NDUFAF2: variants seen among roughly 807,000 people sequenced by gnomAD.
The protein encoded by NDUFAF2 is NADH:ubiquinone oxidoreductase complex assembly factor 2.
In NDUFAF2, 13 loss-of-function variants were observed where a neutral mutation model predicts 22.8. That is an observed-to-expected ratio of 0.57 (90% CI 0.37 to 0.91). The LOEUF (loss-of-function observed/expected upper bound fraction) is 0.91. NDUFAF2 is among the 40% of genes least tolerant of loss of function. The pLI is 0.01. For synonymous variants in NDUFAF2, 53 were observed against 64.2 expected (o/e 0.83, Z 0.84); for missense variants, 162 against 195.2 (o/e 0.83, Z 1.01).
intron 1 of NDUFAF2, among the ~76,000 whole-genome samples, chr5:60,995,265 G>A (rs538785194): frequency 1.3e-5 from 2 of 152,198 alleles, no homozygotes; most frequent in East Asian, 3.9e-4. Context: ...TCAGTGTCTG[G>A]GCATTGAAAG....
At chr5:61,150,938 TCA>T (rs1189943520) in intron 3 of NDUFAF2, among the ~76,000 whole-genome samples, 1 of 152,196 alleles carries the variant, frequency 6.6e-6, no homozygotes, top group East Asian at 1.9e-4. Context: ...ACTCTCACCC[TCA>T]CTTGGAGCAA....
intron 1 of NDUFAF2, among the ~76,000 whole-genome samples, chr5:60,982,999 A>G (rs1400562927): frequency 4.0e-5 from 6 of 151,728 alleles, no homozygotes; most frequent in Non-Finnish European, 7.4e-5. Context: ...TGGTTGAACT[A>G]GTTTACGGTC....
intron 3 of NDUFAF2, among the ~76,000 whole-genome samples, chr5:61,102,739 A>G (rs1317345223): frequency 6.6e-6 from 1 of 152,128 alleles, no homozygotes; most frequent in Non-Finnish European, 1.5e-5. Context: ...TAGTACATAT[A>G]TCTGACAAAG....
At chr5:61,073,296 T>C (rs553006509) in intron 2 of NDUFAF2, 82 bp downstream of exon 2, 53 of 1,040,186 alleles carry the variant, frequency 5.1e-5, no homozygotes, top group Non-Finnish European at 7.0e-5. Context: ...TATATAGTTA[T>C]ATACTGTTTC....
intron 1 of NDUFAF2, among the ~76,000 whole-genome samples, chr5:61,057,108 C>T (rs1752110143): frequency 6.6e-6 from 1 of 151,500 alleles, no homozygotes; most frequent in Admixed American, 6.6e-5. Context: ...CCAGTGAAGG[C>T]CTGCTTGCTT....
Position 61,040,297 on chromosome 5 carries a change from C to T in NDUFAF2, c.128-32828C>T, listed in dbSNP as rs950521240. On this transcript the variant is annotated intron_variant, in intron 1 of 3. Coordinates refer to ENST00000296597, the MANE Select transcript of NDUFAF2 (RefSeq NM_174889.5). ...ACACACACACACACACGCGCGCGCG[C>T]GCGCGAAAGTTGAAAGCAGAGATTG... Among the ~76,000 whole-genome samples the T allele has an allele frequency of 3.8e-4, 57 of 150,452 alleles. 3 individuals are homozygous for T. Among genetic ancestry groups the T allele is most frequent in the Admixed American group, 6.6e-5 (1 of 15,092 alleles).
rs867906407 is a variant in NDUFAF2 at position 61,149,595 on chromosome 5, A to T, written c.259-3109A>T. On this transcript the variant is annotated intron_variant, in intron 3 of 3. Transcript: ENST00000296597. Reference sequence around the variant, plus strand: ...AATAACATTCAGCCATCTTTTTTTTAAATGTTAAAGAAAAATATTTATTGG... The same window carrying T: ...AATAACATTCAGCCATCTTTTTTTTTAATGTTAAAGAAAAATATTTATTGG... Among the ~76,000 whole-genome samples the T allele has an allele frequency of 2.2e-4, 34 of 152,254 alleles. No individual in the cohort carries two copies. The Middle Eastern group carries it at 0.017, about 76-fold the overall frequency.
chr5:61,105,737 A>G (rs1752755659), intron 3 of NDUFAF2, among the ~76,000 whole-genome samples: 1 of 151,360 alleles, frequency 6.6e-6, no homozygotes, highest in Admixed American at 6.6e-5. Context: ...TAGTGGGTCA[A>G]ACATGTAAGT....
intron 1 of NDUFAF2, among the ~76,000 whole-genome samples, chr5:60,993,756 TGGAGTG>T (rs1189394295): frequency 6.6e-6 from 1 of 152,210 alleles, no homozygotes; most frequent in East Asian, 1.9e-4. Context: ...GAGGAGTTCC[TGGAGTG>T]GGTAGTTCCT....
At chr5:61,036,049 A>T (rs529775606) in intron 1 of NDUFAF2, among the ~76,000 whole-genome samples, 1 of 151,350 alleles carries the variant, frequency 6.6e-6, no homozygotes, top group East Asian at 1.9e-4. Flanking sequence ...TATCTTATTG[A>T]CATCACTTGG....
At chr5:61,127,382 C>G (rs1022729544) in intron 3 of NDUFAF2, among the ~76,000 whole-genome samples, 1 of 152,096 alleles carries the variant, frequency 6.6e-6, no homozygotes, top group Admixed American at 6.6e-5. Context: ...ATGCAAAAAT[C>G]CTCAATAAAA....
At chr5:61,140,138 A>C (rs1452740725) in intron 3 of NDUFAF2, among the ~76,000 whole-genome samples, 1 of 152,272 alleles carries the variant, frequency 6.6e-6, no homozygotes, top group Non-Finnish European at 1.5e-5. Context: ...AGCGTGGTCA[A>C]GCAAGGCCTG....
At chr5:61,137,923 T>C (rs1295076958) in intron 3 of NDUFAF2, among the ~76,000 whole-genome samples, 1 of 152,228 alleles carries the variant, frequency 6.6e-6, no homozygotes, top group Non-Finnish European at 1.5e-5. Context: ...TCAGAGTCTT[T>C]GTACATCTGG....
chr5:61,090,693 C>T (rs1438722905), intron 2 of NDUFAF2, among the ~76,000 whole-genome samples: 1 of 151,706 alleles, frequency 6.6e-6, no homozygotes, highest in Non-Finnish European at 1.5e-5. Flanking sequence ...TTTAAAAAAA[C>T]TTTTATTTTA....
At chr5:61,054,043 A>G (rs1752057915) in intron 1 of NDUFAF2, among the ~76,000 whole-genome samples, 1 of 152,068 alleles carries the variant, frequency 6.6e-6, no homozygotes, top group Non-Finnish European at 1.5e-5. Context: ...TCTACAAAAA[A>G]TTTAAAACTT....
At chr5:60,968,666 CA>C (rs1750789256) in intron 1 of NDUFAF2, among the ~76,000 whole-genome samples, 2 of 151,768 alleles carry the variant, frequency 1.3e-5, no homozygotes, top group African/African-American at 2.4e-5. Flanking sequence ...ATAATCAAAT[CA>C]GGGGTATTCA....
At chr5:60,951,699 G>A (rs1750550797) in intron 1 of NDUFAF2, among the ~76,000 whole-genome samples, 1 of 151,960 alleles carries the variant, frequency 6.6e-6, no homozygotes, top group Non-Finnish European at 1.5e-5. Flanking sequence ...GGTTAATGCT[G>A]GCCTTATAAA....
chr5:61,100,536 TACACAC>T (rs10543246), intron 3 of NDUFAF2, among the ~76,000 whole-genome samples: 10 of 149,576 alleles, frequency 6.7e-5, no homozygotes, highest in Admixed American at 2.0e-4. Flanking sequence ...CCCTCCCTAA[TACACAC>T]ACACACACAC....
chr5:61,001,707 T>A (rs1751297995), intron 1 of NDUFAF2, among the ~76,000 whole-genome samples: 2 of 152,136 alleles, frequency 1.3e-5, no homozygotes, highest in Non-Finnish European at 2.9e-5. Context: ...AATATTTTTA[T>A]ATTGAAGACA....
Sources: gnomAD v4.1 joint callset for allele counts (sites outside exome capture counted in the v4.1 genomes callset) on GRCh38, gnomAD v4.1.1 for gene constraint, MANE v1.5 for transcripts, NCBI Gene and HGNC (gene_info 2026-07-23, HGNC 2026-07-21) for gene names.